SH3RF3: variants seen among roughly 807,000 people sequenced by gnomAD.
SH3RF3 encodes SH3 domain containing ring finger 3.
In SH3RF3, 29 loss-of-function variants were observed where a neutral mutation model predicts 66.3. The observed-to-expected ratio is 0.44, with a 90% CI of 0.33 to 0.60. The LOEUF (loss-of-function observed/expected upper bound fraction) is 0.60, where lower values mean the gene tolerates loss of function less well. Ranked by LOEUF, SH3RF3 falls within the 20% of genes least tolerant of loss-of-function variation. The pLI, the probability that SH3RF3 is intolerant of heterozygous loss-of-function variation, is 0.04. For synonymous variants in SH3RF3, 583 were observed against 532.0 expected (o/e 1.10, Z -1.32); for missense variants, 1,194 against 1,190.9 (o/e 1.00, Z -0.04).
At position 109,385,457 on chromosome 2, in the gene SH3RF3, T is replaced by C. The variant is rs116082552; in HGVS notation, c.946-13133T>C. Among the ~76,000 whole-genome samples, 543 of 152,352 alleles carry C rather than the reference T, an allele frequency of 3.6e-3. 3 individuals are homozygous for C. The highest frequency in any genetic ancestry group is 0.012 in the African/African-American group (504 of 41,578). On this transcript the variant is annotated intron_variant, in intron 3 of 9. Transcript: ENST00000309415. ...AGTAGCAGCGTGTTGTTTTTGATGC[T>C]GCAATATGAATATCCAGTCCTCTTG...
chr2:109,407,854 A>G (rs1330341566), intron 4 of SH3RF3, among the ~76,000 whole-genome samples: 1 of 152,240 alleles, frequency 6.6e-6, no homozygotes, highest in Non-Finnish European at 1.5e-5. Flanking sequence ...AAGTGGGGAC[A>G]GAGGACACCG....
intron 1 of SH3RF3, chr2:109,251,518 T>C: frequency 1.3e-6 from 1 of 745,204 alleles, no homozygotes; most frequent in Non-Finnish European, 2.5e-6. Context: ...AATATTGTGG[T>C]CATTTGGTCC....
chr2:109,411,716 T>C (rs1256194295), intron 4 of SH3RF3, among the ~76,000 whole-genome samples: 6 of 152,152 alleles, frequency 3.9e-5, no homozygotes, highest in Middle Eastern at 3.2e-3. Context: ...ACACCCATGC[T>C]AGGAAGGCCG....
chr2:109,390,293 G>A (rs1241503017), intron 3 of SH3RF3, among the ~76,000 whole-genome samples: 2 of 152,144 alleles, frequency 1.3e-5, no homozygotes, highest in African/African-American at 2.4e-5. Context: ...AATTATCACA[G>A]GGTCCTTATC....
intron 5 of SH3RF3, among the ~76,000 whole-genome samples, chr2:109,429,212 T>C (rs576202748): frequency 6.4e-4 from 97 of 152,244 alleles, no homozygotes; most frequent in African/African-American, 2.3e-3. Context: ...GCAGATGCAG[T>C]TGACCCCCAC....
chr2:109,216,365 AT>A (rs1314115627), intron 1 of SH3RF3, among the ~76,000 whole-genome samples: 1 of 152,194 alleles, frequency 6.6e-6, no homozygotes, highest in African/African-American at 2.4e-5. Context: ...ACAGCATATC[AT>A]TTATTTAGCT....
chr2:109,380,701 G>A (rs906980367), intron 3 of SH3RF3, among the ~76,000 whole-genome samples: 1 of 152,186 alleles, frequency 6.6e-6, no homozygotes, highest in Non-Finnish European at 1.5e-5. Context: ...CCTGGCGAAG[G>A]GGCACATGGA....
chr2:109,158,655 C>T (rs1677411884), intron 1 of SH3RF3, among the ~76,000 whole-genome samples: 1 of 152,208 alleles, frequency 6.6e-6, no homozygotes, highest in South Asian at 2.1e-4. Flanking sequence ...GTGAGAGCAT[C>T]CCTATTTCTT....
intron 7 of SH3RF3, among the ~76,000 whole-genome samples, chr2:109,438,084 A>T (rs540405276): frequency 1.3e-5 from 2 of 152,348 alleles, no homozygotes; most frequent in Middle Eastern, 3.4e-3. Flanking sequence ...TTCTTAGACT[A>T]ACGAACACGA....
intron 1 of SH3RF3, among the ~76,000 whole-genome samples, chr2:109,321,902 C>T (rs559874215): frequency 1.2e-4 from 19 of 152,342 alleles, no homozygotes; most frequent in African/African-American, 4.6e-4. Context: ...GTGGTCAGGA[C>T]TTCAGGACTT....
At chr2:109,263,098 G>A (rs1018613823) in intron 1 of SH3RF3, among the ~76,000 whole-genome samples, 2 of 152,012 alleles carry the variant, frequency 1.3e-5, no homozygotes, top group Admixed American at 6.6e-5. Flanking sequence ...CACCCACCTC[G>A]GCCTCCCAAA....
intron 3 of SH3RF3, among the ~76,000 whole-genome samples, chr2:109,384,800 C>T (rs1030282350): frequency 3.9e-5 from 6 of 152,264 alleles, no homozygotes; most frequent in South Asian, 4.1e-4. Context: ...GGTCTTGGGC[C>T]CCTGGGGATG....
intron 1 of SH3RF3, among the ~76,000 whole-genome samples, chr2:109,203,701 G>A (rs555654274): frequency 6.6e-6 from 1 of 152,206 alleles, no homozygotes; most frequent in East Asian, 1.9e-4. Flanking sequence ...CCACCCCCTG[G>A]GCCTGGAGCC....
At chr2:109,266,919 A>G (rs1457887074) in intron 1 of SH3RF3, among the ~76,000 whole-genome samples, 2 of 152,220 alleles carry the variant, frequency 1.3e-5, no homozygotes, top group African/African-American at 4.8e-5. Context: ...CCTGAGCAGG[A>G]GAGGATGTCT....
At chr2:109,277,604 C>T (rs753578532) in intron 1 of SH3RF3, among the ~76,000 whole-genome samples, 2 of 152,200 alleles carry the variant, frequency 1.3e-5, no homozygotes, top group Non-Finnish European at 2.9e-5. Context: ...CTGCACTCCT[C>T]CGCGTGCGTA....
intron 1 of SH3RF3, among the ~76,000 whole-genome samples, chr2:109,171,725 C>T (rs538954853): frequency 5.2e-5 from 8 of 152,382 alleles, no homozygotes; most frequent in South Asian, 2.1e-4. Context: ...CCAGCCCCTG[C>T]GCCTGGCGCT....
chr2:109,432,122 AG>A (rs1282496852), intron 5 of SH3RF3, among the ~76,000 whole-genome samples: 1 of 152,208 alleles, frequency 6.6e-6, no homozygotes, highest in African/African-American at 2.4e-5. Flanking sequence ...AGACTTTAGA[AG>A]AGGAAAACAC....
intron 2 of SH3RF3, among the ~76,000 whole-genome samples, chr2:109,356,401 A>T (rs956808204): frequency 6.6e-6 from 1 of 152,218 alleles, no homozygotes; most frequent in Non-Finnish European, 1.5e-5. Context: ...CTCTAGCCAG[A>T]TGGAGCCATG....
chr2:109,496,485 CCTCT>C (rs910256490), intron 9 of SH3RF3, among the ~76,000 whole-genome samples: 1 of 152,222 alleles, frequency 6.6e-6, no homozygotes, highest in Non-Finnish European at 1.5e-5. Flanking sequence ...TTCACTATGA[CCTCT>C]CTAATAGTAA....
Sources: gnomAD v4.1 joint callset for allele counts (sites outside exome capture counted in the v4.1 genomes callset) on GRCh38, gnomAD v4.1.1 for gene constraint, MANE v1.5 for transcripts, NCBI Gene and HGNC (gene_info 2026-07-23, HGNC 2026-07-21) for gene names.